The following ALDH1L2 variants were observed in gnomAD, a reference collection of about 807,000 sequenced individuals.
ALDH1L2 encodes mitochondrial 10-formyltetrahydrofolate dehydrogenase.
ALDH1L2 carries 91 observed loss-of-function variants against 111.0 expected under a neutral mutation model. The observed-to-expected ratio is 0.82, with a 90% CI of 0.69 to 0.98. The LOEUF (loss-of-function observed/expected upper bound fraction) is 0.98. ALDH1L2 is among the 50% of genes least tolerant of loss of function. The pLI, the probability that ALDH1L2 is intolerant of heterozygous loss-of-function variation, is 0.00. For missense variants in ALDH1L2, 995 were observed against 1,126.8 expected (o/e 0.88, Z 1.67); for synonymous variants, 374 against 392.6 (o/e 0.95, Z 0.56).
rs1328550261 is a variant in ALDH1L2 at position 105,070,636 on chromosome 12, T to A, written c.362A>T (p.Lys121Met). ...TGGGTGATAAATGATAGAGCCGTGC[T>A]TTGGACTATCAATTATATCCATGGG... ...FIPMDIIDSPKHGSIIYHPSI... is the reference protein window; with the variant it reads ...FIPMDIIDSPMHGSIIYHPSI... Residue 121 changes from lysine (K) to methionine (M), a missense_variant, in exon 3 of 23, where the codon AAG becomes ATG. Lys to Met is a moderately conservative substitution (Grantham distance 95). Transcript: ENST00000258494. 3 of 1,614,034 alleles carry A rather than the reference T, an allele frequency of 1.9e-6. No individual in the cohort carries two copies. The African/African-American group carries it at 4.0e-5, about 22-fold the overall frequency.
chr12:105,067,553 C>T (rs1005092972), intron 4 of ALDH1L2, among the ~76,000 whole-genome samples: 2 of 152,166 alleles, frequency 1.3e-5, no homozygotes, highest in African/African-American at 4.8e-5. Flanking sequence ...TAAAATCTAT[C>T]CATGAGCTTG....
intron 10 of ALDH1L2, among the ~76,000 whole-genome samples, chr12:105,055,759 C>A (rs1463532060): frequency 6.6e-6 from 1 of 151,662 alleles, no homozygotes; most frequent in Admixed American, 6.6e-5. Flanking sequence ...TAAAAAGAAC[C>A]AAATAAAAAT....
chr12:105,078,048 T>A (rs1878155726), intron 1 of ALDH1L2, among the ~76,000 whole-genome samples: 1 of 152,030 alleles, frequency 6.6e-6, no homozygotes, highest in Non-Finnish European at 1.5e-5. Context: ...AAGCATGTTT[T>A]CAGGCTTTGC....
At chr12:105,046,165 CTCTCTCTCTCTCTCTCTCTCT>C (rs1875838863) in intron 15 of ALDH1L2, among the ~76,000 whole-genome samples, 1 of 25,410 alleles carries the variant, frequency 3.9e-5, no homozygotes, top group African/African-American at 2.0e-4. Flanking sequence ...CTCTCTCTCT[CTCTCTCTCTCTCTCTCTCTCT>C]CTCTCTCTAT....
At chr12:105,070,115 A>C (rs1877591183) in intron 3 of ALDH1L2, among the ~76,000 whole-genome samples, 1 of 152,232 alleles carries the variant, frequency 6.6e-6, no homozygotes, top group Non-Finnish European at 1.5e-5. Context: ...AGCCCGTATT[A>C]ATAGCTCAAA....
chr12:105,077,276 T>A (rs889238160), intron 1 of ALDH1L2, among the ~76,000 whole-genome samples: 1 of 146,886 alleles, frequency 6.8e-6, no homozygotes, highest in Non-Finnish European at 1.5e-5. Context: ...TCTTTTTTCT[T>A]TTTTTTTTTT....
At chr12:105,032,077 T>G (rs1046644139) in intron 19 of ALDH1L2, 143 bp from the exon 20 acceptor site, 3 of 719,180 alleles carry the variant, frequency 4.2e-6, no homozygotes, top group Non-Finnish European at 6.0e-6. Flanking sequence ...GTGGTTGGTT[T>G]TTTTTTTTTT....
At chr12:105,030,570 T>TA in intron 20 of ALDH1L2, 141 bp from the exon 21 acceptor site, 1 of 560,164 alleles carries the variant, frequency 1.8e-6, no homozygotes, top group Non-Finnish European at 2.9e-6. Flanking sequence ...CTCTATTTGG[T>TA]GTTGGCATGC....
chr12:105,062,911 G>C lies in ALDH1L2; in HGVS notation c.898C>G (p.Leu300Val), dbSNP rs1877088007. The C allele has an allele frequency of 6.2e-7, 1 of 1,611,988 alleles. No homozygotes were observed. Among genetic ancestry groups the C allele is most frequent in the Non-Finnish European group, 8.5e-7 (1 of 1,179,516 alleles). The change falls in exon 7 of 23, where the codon CTT becomes GTT. Residue 300 changes from leucine (L) to valine (V), a missense_variant. Coordinates refer to ENST00000258494, the MANE Select transcript of ALDH1L2 (RefSeq NM_001034173.4). ...PGLVTKNGLV[L>V]FGNDGKALTV... ...ACTGCTTTTCCATCGTTACCAAAAAGAACAAGTCCATTTTTGGTAACGAGA... is the reference window on the plus strand; with the variant it reads ...ACTGCTTTTCCATCGTTACCAAAAACAACAAGTCCATTTTTGGTAACGAGA...
chr12:105,077,525 C>T (rs551494011), intron 1 of ALDH1L2, among the ~76,000 whole-genome samples: 11 of 151,988 alleles, frequency 7.2e-5, no homozygotes, highest in African/African-American at 9.7e-5. Flanking sequence ...GCACTCCACC[C>T]GCCTTGGCAT....
chr12:105,070,780 G>T lies in ALDH1L2; in HGVS notation c.218C>A (p.Thr73Asn). 2.5e-6 allele frequency: 4 copies of T among 1,613,368 alleles called. No individual in the cohort carries two copies. Among genetic ancestry groups the T allele is most frequent in the South Asian group, 1.1e-5 (1 of 90,714 alleles). Reference protein sequence around the residue: ...PLALAAEKDGTPVFKLPKWRV... With the variant: ...PLALAAEKDGNPVFKLPKWRV... The stretch of plus-strand genomic sequence containing the variant: ...CCATTTAGGAAGCTTGAACACAGGG[G>T]TCCCATCTTTCTCTGCAGCCAAAGC... The change falls in exon 3 of 23, where the codon ACC (threonine) becomes AAC (asparagine). Residue 73 changes from threonine (T) to asparagine (N), a missense_variant. Coordinates refer to ENST00000258494, the MANE Select transcript of ALDH1L2 (RefSeq NM_001034173.4).
intron 9 of ALDH1L2, chr12:105,060,490 T>C (rs1227789651): frequency 2.0e-5 from 3 of 152,346 alleles, no homozygotes; most frequent in Non-Finnish European, 4.4e-5. Flanking sequence ...AACGGATATA[T>C]CTGCTTGACC....
At chr12:105,046,257 A>G (rs1260639330) in intron 15 of ALDH1L2, among the ~76,000 whole-genome samples, 2 of 77,392 alleles carry the variant, frequency 2.6e-5, no homozygotes, top group African/African-American at 1.1e-4. Flanking sequence ...TTTTTGTGAG[A>G]CAGAGTCTTT....
chr12:105,055,810 C>T (rs1415597358), intron 10 of ALDH1L2, among the ~76,000 whole-genome samples: 1 of 151,944 alleles, frequency 6.6e-6, no homozygotes, highest in African/African-American at 2.4e-5. Flanking sequence ...TAAAAAATCA[C>T]TGGAGGGACC....
intron 18 of ALDH1L2, among the ~76,000 whole-genome samples, chr12:105,036,293 T>TTA (rs1413182070): frequency 1.7e-5 from 1 of 59,838 alleles, no homozygotes; most frequent in Non-Finnish European, 2.8e-5. Context: ...TGTGTATATA[T>TTA]TATATATATA....
At chr12:105,049,260 T>C (rs1385460607) in intron 13 of ALDH1L2, among the ~76,000 whole-genome samples, 1 of 152,168 alleles carries the variant, frequency 6.6e-6, no homozygotes, top group Non-Finnish European at 1.5e-5. Flanking sequence ...ATCATTAGAC[T>C]TTAGATTCGG....
At chr12:105,038,937 T>C (rs979820990) in intron 17 of ALDH1L2, among the ~76,000 whole-genome samples, 1 of 152,188 alleles carries the variant, frequency 6.6e-6, no homozygotes, top group Non-Finnish European at 1.5e-5. Flanking sequence ...AGAAAAAATA[T>C]CAATTTTTAA....
chr12:105,061,059 C>T lies in ALDH1L2; in HGVS notation c.1061G>A (p.Gly354Glu). The T allele has an allele frequency of 6.2e-7, 1 of 1,613,724 alleles. No individual in the cohort carries two copies. Among genetic ancestry groups the T allele is most frequent in the Non-Finnish European group, 8.5e-7 (1 of 1,179,742 alleles). ...AATAATGGGGACATTGCTTAAAATT[C>T]CAGCCCAGATGACCTACACAAAAAG... ...VAETIKVIWA[G>E]ILSNVPIIED... The change falls in exon 9 of 23, where the codon GGA becomes GAA. Residue 354 changes from glycine (G) to glutamate (E), a missense_variant. Gly to Glu is a moderately conservative substitution (Grantham distance 98). Transcript: ENST00000258494.
intron 21 of ALDH1L2, among the ~76,000 whole-genome samples, chr12:105,029,425 A>C (rs1874588309): frequency 6.6e-6 from 1 of 152,096 alleles, no homozygotes; most frequent in Non-Finnish European, 1.5e-5. Flanking sequence ...CTGTGGACTA[A>C]CTGTCATCTC....
Sources: gnomAD v4.1 joint callset for allele counts (sites outside exome capture counted in the v4.1 genomes callset) on GRCh38, gnomAD v4.1.1 for gene constraint, MANE v1.5 for transcripts, NCBI Gene and HGNC (gene_info 2026-07-23, HGNC 2026-07-21) for gene names.